Variants in CADPS observed in about 807,000 individuals in gnomAD.
The protein encoded by CADPS is calcium-dependent secretion activator 1.
Under a neutral mutation model 167.3 loss-of-function variants are expected in CADPS, and 57 were observed. The ratio of observed to expected loss-of-function variants is 0.34; its 90% CI spans 0.28 to 0.42. The LOEUF (loss-of-function observed/expected upper bound fraction) is 0.42. CADPS is among the 20% of genes least tolerant of loss of function. CADPS has a pLI of 1.00. For synonymous variants in CADPS, 676 were observed against 635.3 expected, an observed-to-expected ratio of 1.06 and a Z score of -0.96; for missense variants, 1,414 against 1,738.1, an observed-to-expected ratio of 0.81 and a Z score of 3.32.
chr3:62,520,166 C>CA (rs1221403763), intron 13 of CADPS, among the ~76,000 whole-genome samples: 3 of 152,062 alleles, frequency 2.0e-5, no homozygotes, highest in African/African-American at 7.2e-5. Context: ...CATGAAGAGC[C>CA]AGGATATTTG....
chr3:62,542,511 C>G (rs929275777), intron 11 of CADPS, among the ~76,000 whole-genome samples: 3 of 151,970 alleles, frequency 2.0e-5, no homozygotes, highest in Non-Finnish European at 2.9e-5. Context: ...GTCAAGTAAC[C>G]AGGGGATGTT....
At chr3:62,817,883 C>G (rs190626284) in intron 1 of CADPS, among the ~76,000 whole-genome samples, 25 of 152,088 alleles carry the variant, frequency 1.6e-4, no homozygotes, top group Non-Finnish European at 3.1e-4. Context: ...GTTCAAATGT[C>G]TATATTACCA....
chr3:62,868,610 A>G (rs993173608), intron 1 of CADPS, among the ~76,000 whole-genome samples: 1 of 152,134 alleles, frequency 6.6e-6, no homozygotes, highest in Non-Finnish European at 1.5e-5. Flanking sequence ...GTTTCAGCCC[A>G]CAGGCCACAG....
chr3:62,414,828 G>A (rs1033334995), intron 28 of CADPS, among the ~76,000 whole-genome samples: 8 of 152,226 alleles, frequency 5.3e-5, no homozygotes, highest in African/African-American at 1.9e-4. Context: ...GGGAGGACGG[G>A]AAGGCCTTTC....
At chr3:62,464,128 A>G (rs1031422714) in intron 26 of CADPS, among the ~76,000 whole-genome samples, 1 of 152,146 alleles carries the variant, frequency 6.6e-6, no homozygotes, top group African/African-American at 2.4e-5. Context: ...TCTTTTGCCT[A>G]CGTTATTATC....
intron 15 of CADPS, 140 bp downstream of exon 15, chr3:62,516,440 T>C (rs1362731822): frequency 5.2e-6 from 4 of 767,408 alleles, no homozygotes; most frequent in Middle Eastern, 3.9e-4. Flanking sequence ...GGCAGTTTCC[T>C]CGCTTCTATT....
chr3:62,649,145 A>T (rs938801748), intron 5 of CADPS, among the ~76,000 whole-genome samples: 1 of 152,180 alleles, frequency 6.6e-6, no homozygotes, highest in African/African-American at 2.4e-5. Context: ...GGTCTCCCCA[A>T]ATCTAGGGTT....
At chr3:62,484,011 C>T (rs1026927412) in intron 21 of CADPS, among the ~76,000 whole-genome samples, 2 of 151,896 alleles carry the variant, frequency 1.3e-5, no homozygotes, top group South Asian at 2.1e-4. Context: ...TAGCGGGTGG[C>T]GGGTACACAA....
intron 1 of CADPS, among the ~76,000 whole-genome samples, chr3:62,828,293 AC>A (rs2074430895): frequency 6.6e-6 from 1 of 152,130 alleles, no homozygotes; most frequent in Non-Finnish European, 1.5e-5. Context: ...CACTCTTCCC[AC>A]CATGGCACTA....
At chr3:62,784,443 T>G (rs540486329) in intron 1 of CADPS, among the ~76,000 whole-genome samples, 1 of 152,306 alleles carries the variant, frequency 6.6e-6, no homozygotes, top group African/African-American at 2.4e-5. Flanking sequence ...AAAAATAGAA[T>G]GATACTCTTC....
rs1397170737 is a variant in CADPS, at chr3:62,643,541, G to C, written c.1325+2181C>G. Among the ~76,000 whole-genome samples the C allele has an allele frequency of 2.2e-4, 34 of 152,200 alleles. 1 individual carries two copies. The highest frequency in any genetic ancestry group is 2.2e-3 in the Admixed American group (34 of 15,278). On this transcript the variant is annotated intron_variant, in intron 6 of 29. Coordinates refer to ENST00000383710, the MANE Select transcript of CADPS (RefSeq NM_003716.4). ...GTATAAAACATGAATATTTCATGCA[G>C]GTAGACCCAATCATTCTGTAATTAT...
intron 13 of CADPS, among the ~76,000 whole-genome samples, chr3:62,527,725 C>G (rs752044682): frequency 6.6e-6 from 1 of 152,110 alleles, no homozygotes; most frequent in African/African-American, 2.4e-5. Flanking sequence ...CAAGGTTCTG[C>G]CTCTGCCGGT....
At chr3:62,413,724 T>C (rs1016715132) in intron 28 of CADPS, among the ~76,000 whole-genome samples, 1 of 152,158 alleles carries the variant, frequency 6.6e-6, no homozygotes, top group Non-Finnish European at 1.5e-5. Flanking sequence ...AACTGTACAC[T>C]TAGAGATGGT....
chr3:62,443,929 C>T (rs1285836296), intron 27 of CADPS, among the ~76,000 whole-genome samples: 2 of 152,094 alleles, frequency 1.3e-5, no homozygotes, highest in Non-Finnish European at 2.9e-5. Context: ...CACTTACTGC[C>T]CTCCCATCTT....
At chr3:62,805,682 T>C (rs769981936) in intron 1 of CADPS, among the ~76,000 whole-genome samples, 4 of 152,180 alleles carry the variant, frequency 2.6e-5, no homozygotes, top group Non-Finnish European at 4.4e-5. Flanking sequence ...AGATCCATTC[T>C]CTTCCCTTTT....
At chr3:62,705,682 C>T (rs1167485163) in intron 3 of CADPS, among the ~76,000 whole-genome samples, 1 of 152,116 alleles carries the variant, frequency 6.6e-6, no homozygotes, top group African/African-American at 2.4e-5. Flanking sequence ...AAACTTTGGA[C>T]CCTAAGTTCT....
At chr3:62,857,719 T>C (rs1182133290) in intron 1 of CADPS, among the ~76,000 whole-genome samples, 1 of 152,034 alleles carries the variant, frequency 6.6e-6, no homozygotes, top group African/African-American at 2.4e-5. Flanking sequence ...GCATAATGGA[T>C]GTCTTTGGGT....
At chr3:62,613,985 A>C (rs1399067518) in intron 6 of CADPS, among the ~76,000 whole-genome samples, 1 of 152,084 alleles carries the variant, frequency 6.6e-6, no homozygotes, top group Non-Finnish European at 1.5e-5. Flanking sequence ...CATGACCCTG[A>C]GAGAGTGCTC....
Position 62,781,014 on chromosome 3 carries a change from T to C in CADPS, c.442-15030A>G, listed in dbSNP as rs145840455. 7.3e-3 allele frequency among the ~76,000 whole-genome samples: 1,118 copies of C among 152,306 alleles called. 17 individuals are homozygous for C. Among genetic ancestry groups the C allele is most frequent in the African/African-American group, 0.026 (1,062 of 41,564 alleles). On this transcript the variant is annotated intron_variant, in intron 1 of 29. Coordinates refer to ENST00000383710, the MANE Select transcript of CADPS (RefSeq NM_003716.4). The stretch of plus-strand genomic sequence containing the variant: ...GTACATTTATTTTTTAAAAAGATAC[T>C]ATTAGGGCTGATACTATTAGGGTAC...
Sources: allele counts gnomAD v4.1 joint callset (sites outside exome capture counted in the v4.1 genomes callset), GRCh38; gene constraint gnomAD v4.1.1; transcripts MANE v1.5; gene names NCBI Gene and HGNC (gene_info 2026-07-23, HGNC 2026-07-21).